DAOA: variants seen among roughly 807,000 people sequenced by gnomAD.
The protein encoded by DAOA is D-amino acid oxidase activator.
DAOA carries 15 observed loss-of-function variants against 16.4 expected under a neutral mutation model. The ratio of observed to expected loss-of-function variants is 0.91; its 90% CI spans 0.61 to 1.41. DAOA has a LOEUF of 1.41. DAOA is among the 40% of genes most tolerant of loss of function. The pLI, the probability that DAOA is intolerant of heterozygous loss-of-function variation, is 0.00. For synonymous variants in DAOA, 75 were observed against 59.1 expected (o/e 1.27, Z -1.23); for missense variants, 230 against 176.8 (o/e 1.30, Z -1.71).
intron 4 of DAOA, among the ~76,000 whole-genome samples, chr13:105,486,881 T>C (rs1255337580): frequency 6.6e-6 from 1 of 152,088 alleles, no homozygotes; most frequent in African/African-American, 2.4e-5. Context: ...CGGCATCCCA[T>C]AGTGCTGAGA....
rs982380061 is a variant in DAOA at position 105,466,234 on chromosome 13, C to T, written c.-55C>T. ...GGTCCAGGATTTGGAAAGGGCATGG[C>T]AGGAGGTCTCATCTCTGCTTCACAA... On this transcript the variant is annotated 5_prime_UTR_variant, in exon 2 of 6. Coordinates refer to ENST00000375936, the MANE Select transcript of DAOA (RefSeq NM_172370.5). 6.2e-7 allele frequency: 1 copy of T among 1,611,798 alleles called. No homozygotes were observed. The highest frequency in any genetic ancestry group is 1.3e-5 in the African/African-American group (1 of 74,894).
chr13:105,475,270 A>C (rs1877252613), intron 4 of DAOA, among the ~76,000 whole-genome samples: 1 of 152,164 alleles, frequency 6.6e-6, no homozygotes, highest in Admixed American at 6.6e-5. Context: ...TCAGCATTAC[A>C]CATTATCTTT....
chr13:105,470,949 C>T (rs1876900447), intron 3 of DAOA, among the ~76,000 whole-genome samples: 1 of 152,096 alleles, frequency 6.6e-6, no homozygotes, highest in African/African-American at 2.4e-5. Context: ...CACCACCAAG[C>T]CTGGCTAATT....
At chr13:105,480,820 G>A (rs1159635737) in intron 4 of DAOA, among the ~76,000 whole-genome samples, 1 of 152,114 alleles carries the variant, frequency 6.6e-6, no homozygotes, top group Non-Finnish European at 1.5e-5. Flanking sequence ...CCCTAAGAAG[G>A]AGAGAAACAC....
chr13:105,477,634 G>A (rs1877429913), intron 4 of DAOA, among the ~76,000 whole-genome samples: 1 of 152,152 alleles, frequency 6.6e-6, no homozygotes, highest in Non-Finnish European at 1.5e-5. Context: ...TGAGGAGGGA[G>A]GATCCCTTGA....
At chr13:105,474,408 T>C (rs1256032064) in intron 4 of DAOA, among the ~76,000 whole-genome samples, 2 of 152,072 alleles carry the variant, frequency 1.3e-5, no homozygotes, top group African/African-American at 2.4e-5. Context: ...TGATCATTTG[T>C]AATACATAGA....
chr13:105,489,603 T>G (rs9558572), intron 4 of DAOA, among the ~76,000 whole-genome samples: 50,653 of 152,182 alleles, frequency 0.33, 10,113 homozygotes, highest in East Asian at 0.59. Context: ...ATGTAAGCCT[T>G]ACAGGCATTG....
intron 3 of DAOA, among the ~76,000 whole-genome samples, chr13:105,468,078 C>T (rs1188943886): frequency 1.3e-5 from 2 of 152,100 alleles, no homozygotes; most frequent in Non-Finnish European, 2.9e-5. Flanking sequence ...TTAGAGTCAG[C>T]AATGTTGCTT....
At chr13:105,470,418 C>T (rs1282547757) in intron 3 of DAOA, among the ~76,000 whole-genome samples, 1 of 151,996 alleles carries the variant, frequency 6.6e-6, no homozygotes, top group Non-Finnish European at 1.5e-5. Flanking sequence ...CCTTTTTTAT[C>T]ATTCTCATTT....
Position 105,486,110 on chromosome 13 carries a change from T to C in DAOA, c.282-3791T>C, listed in dbSNP as rs181964833. On this transcript the variant is annotated intron_variant, in intron 4 of 5. Transcript: ENST00000375936. Reference sequence around the variant, plus strand: ...AGAGTGATCTTGTAAAAAAGCAAATTGGAACATGTCATTGCCCTTCTTCAA... The same window carrying C: ...AGAGTGATCTTGTAAAAAAGCAAATCGGAACATGTCATTGCCCTTCTTCAA... Among the ~76,000 whole-genome samples, 600 of 152,264 alleles carry C rather than the reference T, an allele frequency of 3.9e-3. 18 individuals carry two copies. The highest frequency in any genetic ancestry group is 1.2e-3 in the Non-Finnish European group (85 of 68,016).
intron 3 of DAOA, among the ~76,000 whole-genome samples, chr13:105,470,463 C>T (rs1876852634): frequency 6.6e-6 from 1 of 152,132 alleles, no homozygotes; most frequent in Non-Finnish European, 1.5e-5. Flanking sequence ...ACAACACACT[C>T]ATTAACATTA....
At chr13:105,470,116 A>ATTTTTTTTT (rs33937275) in intron 3 of DAOA, among the ~76,000 whole-genome samples, 2 of 142,272 alleles carry the variant, frequency 1.4e-5, no homozygotes, top group Non-Finnish European at 1.5e-5. Flanking sequence ...GCTCATTGGA[A>ATTTTTTTTT]TTTTTTTTTT....
chr13:105,473,916 T>C (rs1877164494), intron 4 of DAOA, among the ~76,000 whole-genome samples: 1 of 152,152 alleles, frequency 6.6e-6, no homozygotes, highest in Admixed American at 6.5e-5. Context: ...ATTATTCAAC[T>C]TCCTTATCAA....
At chr13:105,466,439 A>C in intron 2 of DAOA, 107 bp downstream of exon 2, 1 of 1,575,172 alleles carries the variant, frequency 6.3e-7, no homozygotes, top group Non-Finnish European at 8.7e-7. Context: ...AGGAAGTGGA[A>C]CATGTCAGGG....
At chr13:105,481,453 C>A (rs939828738) in intron 4 of DAOA, among the ~76,000 whole-genome samples, 8 of 152,130 alleles carry the variant, frequency 5.3e-5, no homozygotes, top group Non-Finnish European at 1.0e-4. Flanking sequence ...GTCTGCCCCA[C>A]TCTCTGAAGT....
chr13:105,475,861 A>G (rs1397641888), intron 4 of DAOA, among the ~76,000 whole-genome samples: 1 of 152,190 alleles, frequency 6.6e-6, no homozygotes, highest in South Asian at 2.1e-4. Flanking sequence ...TGGAATATCT[A>G]TTTACAGAAC....
chr13:105,488,654 T>C (rs1165824221), intron 4 of DAOA, among the ~76,000 whole-genome samples: 2 of 152,186 alleles, frequency 1.3e-5, no homozygotes, highest in East Asian at 1.9e-4. Flanking sequence ...AGTGTGACAA[T>C]GATTCAAGAA....
chr13:105,466,207 T>C lies in DAOA; in HGVS notation c.-73-9T>C, dbSNP rs2139160214. The C allele has an allele frequency of 6.2e-7, 1 of 1,602,024 alleles. No homozygotes were observed. Among genetic ancestry groups the C allele is most frequent in the Non-Finnish European group, 8.5e-7 (1 of 1,173,406 alleles). On this transcript the variant is annotated splice_polypyrimidine_tract_variant and intron_variant, in intron 1 of 5. Transcript: ENST00000375936. ...CTTACTAGTGTATATGATGATTCTG[T>C]TGGTCCAGGATTTGGAAAGGGCATG...
chr13:105,475,341 G>C (rs1877256907), intron 4 of DAOA, among the ~76,000 whole-genome samples: 1 of 152,158 alleles, frequency 6.6e-6, no homozygotes, highest in Admixed American at 6.6e-5. Context: ...ATTGTTCCCA[G>C]ATACCTCTCT....
Sources: gnomAD v4.1 joint callset for allele counts (sites outside exome capture counted in the v4.1 genomes callset) on GRCh38, gnomAD v4.1.1 for gene constraint, MANE v1.5 for transcripts, NCBI Gene and HGNC (gene_info 2026-07-23, HGNC 2026-07-21) for gene names.